The following LDHC variants were observed in gnomAD, a reference collection of about 807,000 sequenced individuals.
LDHC encodes L-lactate dehydrogenase C chain.
LDHC carries 20 observed loss-of-function variants against 30.2 expected under a neutral mutation model. The ratio of observed to expected loss-of-function variants is 0.66; its 90% CI spans 0.47 to 0.96. The LOEUF is 0.96. Ranked by LOEUF, LDHC falls within the 40% of genes least tolerant of loss-of-function variation. LDHC has a pLI of 0.00. For missense variants in LDHC, 362 were observed against 394.9 expected, an observed-to-expected ratio of 0.92 and a Z score of 0.71; for synonymous variants, 139 against 132.7, an observed-to-expected ratio of 1.05 and a Z score of -0.32.
At chr11:18,416,146 C>T (rs575918637) in intron 3 of LDHC, among the ~76,000 whole-genome samples, 7 of 152,152 alleles carry the variant, frequency 4.6e-5, no homozygotes, top group Non-Finnish European at 1.0e-4. Flanking sequence ...CTTTACATAA[C>T]TGATGTATAA....
intron 3 of LDHC, among the ~76,000 whole-genome samples, 173 bp downstream of exon 3, chr11:18,415,474 C>G (rs1866994415): frequency 6.6e-6 from 1 of 152,122 alleles, no homozygotes; most frequent in Non-Finnish European, 1.5e-5. Context: ...CTCTGTCACC[C>G]AGATTAGAGT....
intron 3 of LDHC, among the ~76,000 whole-genome samples, chr11:18,421,487 AC>A (rs1015628669): frequency 6.6e-6 from 1 of 151,742 alleles, no homozygotes; most frequent in Non-Finnish European, 1.5e-5. Context: ...AGCGTGGCCA[AC>A]CTGGTGAAAC....
At chr11:18,425,275 C>A (rs554913733) in intron 3 of LDHC, among the ~76,000 whole-genome samples, 2 of 152,104 alleles carry the variant, frequency 1.3e-5, no homozygotes, top group South Asian at 4.1e-4. Flanking sequence ...CTCTTGAATT[C>A]CTGGGTTCAA....
chr11:18,424,106 C>T (rs755313923), intron 3 of LDHC, among the ~76,000 whole-genome samples: 2 of 152,106 alleles, frequency 1.3e-5, no homozygotes, highest in Non-Finnish European at 2.9e-5. Context: ...CAAGTTTGGC[C>T]GGGTGCGGTG....
intron 6 of LDHC, among the ~76,000 whole-genome samples, chr11:18,440,939 T>TAAA (rs113816773): frequency 6.8e-6 from 1 of 147,908 alleles, no homozygotes; most frequent in African/African-American, 2.5e-5. Context: ...ATCCTGTCTC[T>TAAA]AAAAAAATAA....
At chr11:18,441,681 T>G (rs112446256) in intron 6 of LDHC, among the ~76,000 whole-genome samples, 22,525 of 149,778 alleles carry the variant, frequency 0.15, 1,858 homozygotes, top group African/African-American at 0.22. Context: ...GCTGAGGCGG[T>G]TAGATCACTT....
intron 6 of LDHC, among the ~76,000 whole-genome samples, chr11:18,444,001 A>T (rs185823351): frequency 7.7e-4 from 117 of 152,222 alleles, no homozygotes; most frequent in Admixed American, 2.8e-3. Flanking sequence ...TCTAAAAACT[A>T]CTCAGCTCTT....
In LDHC at chr11:18,429,852, C is replaced by A. The variant is rs1848233490; in HGVS notation, c.360C>A (p.Ile120=). The change falls in exon 4 of 8, where the codon ATC becomes ATA. Residue 120 remains isoleucine (I), a synonymous_variant. Transcript: ENST00000541669. ...GTAATGTGGCTATAATGAAATCAAT[C>A]ATTCCTGCCATAGTCCATTATAGTC... The part of the protein sequence containing the change: ...VQRNVAIMKS[I]IPAIVHYSPD... The A allele has an allele frequency of 2.5e-6, 4 of 1,612,676 alleles. No homozygotes were observed. The highest frequency in any genetic ancestry group is 3.4e-6 in the Non-Finnish European group (4 of 1,178,730).
At chr11:18,425,665 C>T (rs1848148972) in intron 3 of LDHC, among the ~76,000 whole-genome samples, 1 of 151,966 alleles carries the variant, frequency 6.6e-6, no homozygotes. Flanking sequence ...TTGTGCCAGG[C>T]GTGGTGGCTC....
chr11:18,419,091 C>T (rs1159816798), intron 3 of LDHC, among the ~76,000 whole-genome samples: 3 of 152,200 alleles, frequency 2.0e-5, no homozygotes, highest in Non-Finnish European at 4.4e-5. Flanking sequence ...ACCTGGTGCC[C>T]TAGTGGACTA....
chr11:18,425,476 G>T (rs1408660259), intron 3 of LDHC, among the ~76,000 whole-genome samples: 1 of 152,052 alleles, frequency 6.6e-6, no homozygotes, highest in Non-Finnish European at 1.5e-5. Flanking sequence ...TGCCTCCCAG[G>T]TTCAAGTGAT....
At chr11:18,415,147 G>T in intron 2 of LDHC, 37 bp from the exon 3 acceptor site, 1 of 1,164,084 alleles carries the variant, frequency 8.6e-7, no homozygotes, top group South Asian at 1.4e-5. Flanking sequence ...TAAAACTTAA[G>T]TAGGAACATT....
At chr11:18,431,582 C>T (rs750178333) in intron 4 of LDHC, among the ~76,000 whole-genome samples, 23 of 152,112 alleles carry the variant, frequency 1.5e-4, no homozygotes, top group Non-Finnish European at 2.6e-4. Context: ...GAGTCTTGCT[C>T]TGTCCCAGGC....
intron 4 of LDHC, among the ~76,000 whole-genome samples, chr11:18,431,803 G>A (rs755018115): frequency 9.2e-5 from 14 of 152,032 alleles, no homozygotes; most frequent in East Asian, 5.8e-4. Context: ...CACCTGCCTC[G>A]CCTCCCAAAG....
At chr11:18,441,847 TGTGA>T (rs1344778579) in intron 6 of LDHC, among the ~76,000 whole-genome samples, 1 of 152,010 alleles carries the variant, frequency 6.6e-6, no homozygotes, top group Non-Finnish European at 1.5e-5. Context: ...TGGAGGTTGC[TGTGA>T]GTTGAGGTTA....
chr11:18,438,882 T>C (rs544298416), intron 6 of LDHC, among the ~76,000 whole-genome samples: 1 of 152,354 alleles, frequency 6.6e-6, no homozygotes, highest in South Asian at 2.1e-4. Flanking sequence ...ATAGTGATTA[T>C]GAGCATGGAC....
intron 2 of LDHC, 61 bp from the exon 3 acceptor site, chr11:18,415,123 T>G (rs933221381): frequency 1.6e-5 from 13 of 838,664 alleles, no homozygotes; most frequent in Non-Finnish European, 2.3e-5. Flanking sequence ...ACATGAAAAT[T>G]CTTCTTATTC....
Position 18,412,729 on chromosome 11 carries a change from C to T in LDHC, c.12C>T (p.Val4=). The T allele has an allele frequency of 6.2e-7, 1 of 1,613,804 alleles. No individual in the cohort carries two copies. Residue 4 remains valine (V), a synonymous_variant, in exon 2 of 8, where the codon GTC becomes GTT. Transcript: ENST00000541669. MST[V]KEQLIEKLIE... ...ATCAGGTTCTCCAAATGTCAACTGT[C>T]AAGGAGCAGCTAATTGAGAAGCTAA...
At chr11:18,420,262 T>C (rs139899334) in intron 3 of LDHC, among the ~76,000 whole-genome samples, 6 of 152,286 alleles carry the variant, frequency 3.9e-5, no homozygotes, top group Non-Finnish European at 5.9e-5. Context: ...AGATTATGAT[T>C]CAGCATTTTT....
Sources: allele counts gnomAD v4.1 joint callset (sites outside exome capture counted in the v4.1 genomes callset), GRCh38; gene constraint gnomAD v4.1.1; transcripts MANE v1.5; gene names NCBI Gene and HGNC (gene_info 2026-07-23, HGNC 2026-07-21).